Variants in PRH1 observed in about 807,000 individuals in gnomAD.
PRH1 encodes the protein proline rich protein HaeIII subfamily 1.
Under a neutral mutation model 7.9 loss-of-function variants are expected in PRH1, and 7 were observed. The ratio of observed to expected loss-of-function variants is 0.89; its 90% CI spans 0.50 to 1.67. PRH1 has a LOEUF of 1.67. Ranked by LOEUF, PRH1 falls within the 40% of genes most tolerant of loss-of-function variation. The pLI is 0.00. For synonymous variants in PRH1, 45 were observed against 80.8 expected (o/e 0.56, Z 2.38); for missense variants, 109 against 223.6 (o/e 0.49, Z 3.27).
chr12:11,010,667 C>CAT (rs1271858528), intron 1 of PRH1, among the ~76,000 whole-genome samples: 3 of 151,836 alleles, frequency 2.0e-5, no homozygotes, highest in Non-Finnish European at 2.9e-5. Context: ...TCTATTGTGT[C>CAT]ATATCCTTTC....
At chr12:11,109,056 G>T (rs954418452) in intron 1 of PRH1, among the ~76,000 whole-genome samples, 1 of 152,212 alleles carries the variant, frequency 6.6e-6, no homozygotes, top group Admixed American at 6.5e-5. Flanking sequence ...CCACCAGGAA[G>T]TTCAAACTGG....
intron 1 of PRH1, among the ~76,000 whole-genome samples, chr12:11,138,551 T>C (rs148224249): frequency 6.6e-6 from 1 of 152,298 alleles, no homozygotes; most frequent in Admixed American, 6.5e-5. Flanking sequence ...ATATATGTAA[T>C]ATCCATCTTA....
intron 2 of PRH1, among the ~76,000 whole-genome samples, chr12:10,940,327 T>A (rs911708500): frequency 6.6e-6 from 1 of 152,230 alleles, no homozygotes; most frequent in African/African-American, 2.4e-5. Context: ...ATGCATCTAG[T>A]TCATGTTTAG....
intron 1 of PRH1, among the ~76,000 whole-genome samples, chr12:11,105,274 T>TG (rs1387470136): frequency 6.6e-6 from 1 of 151,342 alleles, no homozygotes; most frequent in African/African-American, 2.5e-5. Context: ...ATATTATTGT[T>TG]GATGAAAAAA....
At chr12:10,883,591 A>C (rs528861134) in intron 1 of PRH1, among the ~76,000 whole-genome samples, 1 of 152,328 alleles carries the variant, frequency 6.6e-6, no homozygotes, top group East Asian at 1.9e-4. Flanking sequence ...AGGAGCCACC[A>C]GACATAGCCA....
At chr12:11,091,142 A>C in intron 1 of PRH1, 1 of 142,256 alleles carries the variant, frequency 7.0e-6, no homozygotes, top group South Asian at 1.2e-4. Flanking sequence ...ATATATATAT[A>C]TTTTCTAGAC....
At chr12:11,017,251 A>G (rs1941338298) in intron 1 of PRH1, among the ~76,000 whole-genome samples, 1 of 152,194 alleles carries the variant, frequency 6.6e-6, no homozygotes. Context: ...TCTCAGTTTA[A>G]TTTACATTTT....
chr12:11,048,161 T>TATAGATAGATAGATAGATAG (rs1555147091), upstream of PRH1, among the ~76,000 whole-genome samples: 149 of 139,176 alleles, frequency 1.1e-3, no homozygotes, highest in Middle Eastern at 3.7e-3. Flanking sequence ...TGTGTGTGTG[T>TATAGATAGATAGATAGATAG]ATAGATAGAT....
chr12:10,984,452 T>C (rs1939505326), intron 1 of PRH1, among the ~76,000 whole-genome samples: 1 of 151,710 alleles, frequency 6.6e-6, no homozygotes, highest in Non-Finnish European at 1.5e-5. Context: ...TTCATTTTCA[T>C]TGGTTTGCCA....
At chr12:10,905,541 C>T (rs1949791037) in intron 2 of PRH1, among the ~76,000 whole-genome samples, 1 of 152,086 alleles carries the variant, frequency 6.6e-6, no homozygotes, top group Non-Finnish European at 1.5e-5. Context: ...TGGCACCTGC[C>T]TGTAATCCCA....
At chr12:11,044,293 G>A (rs1942830966) in intron 1 of PRH1, among the ~76,000 whole-genome samples, 1 of 152,040 alleles carries the variant, frequency 6.6e-6, no homozygotes, top group Non-Finnish European at 1.5e-5. Flanking sequence ...AATCAAAATG[G>A]ATTAAAGATG....
At chr12:11,077,975 T>C (rs1189333913) in intron 1 of PRH1, 9 of 830,504 alleles carry the variant, frequency 1.1e-5, no homozygotes, top group Non-Finnish European at 1.8e-5. Context: ...TGGTTGATTA[T>C]TGCTGAGATA....
chr12:10,974,560 G>T (rs558393603), intron 1 of PRH1, among the ~76,000 whole-genome samples: 1 of 151,996 alleles, frequency 6.6e-6, no homozygotes, highest in African/African-American at 2.4e-5. Context: ...CATAAACAAA[G>T]CTAGTAAATG....
chr12:10,962,732 C>A (rs1243175796), intron 2 of PRH1, among the ~76,000 whole-genome samples: 1 of 152,226 alleles, frequency 6.6e-6, no homozygotes, highest in African/African-American at 2.4e-5. Context: ...TAGGTCCTGG[C>A]AGTCAACAAT....
chr12:10,983,000 C>T (rs1175142823), intron 1 of PRH1, among the ~76,000 whole-genome samples: 1 of 152,168 alleles, frequency 6.6e-6, no homozygotes, highest in East Asian at 1.9e-4. Flanking sequence ...CTGCTTGTCT[C>T]AAGTCAAACC....
chr12:11,071,322 C>T (rs74492287), intron 1 of PRH1, among the ~76,000 whole-genome samples: 9 of 151,122 alleles, frequency 6.0e-5, no homozygotes, highest in African/African-American at 2.2e-4. Context: ...TCTGCAAAGG[C>T]AGGTGCCAAT....
chr12:11,030,891 T>A, intron 1 of PRH1: 1 of 1,614,242 alleles, frequency 6.2e-7, no homozygotes, highest in Non-Finnish European at 8.5e-7. Context: ...ATCTCTTTCA[T>A]GTTTATCACA....
At chr12:10,972,154 TATAGGTGTCATGGGAAAA>T (rs1438903647) in intron 2 of PRH1, among the ~76,000 whole-genome samples, 1 of 152,190 alleles carries the variant, frequency 6.6e-6, no homozygotes, top group Non-Finnish European at 1.5e-5. Context: ...ATACATTTAA[TATAGGTGTCATGGGAAAA>T]TACAAATTCC....
intron 1 of PRH1, among the ~76,000 whole-genome samples, chr12:11,138,918 T>A (rs368786983): frequency 2.0e-5 from 3 of 152,120 alleles, no homozygotes; most frequent in African/African-American, 7.2e-5. Flanking sequence ...TGCACGCCTG[T>A]TGTCCTAGCT....
Sources: gnomAD v4.1 joint callset for allele counts (sites outside exome capture counted in the v4.1 genomes callset) on GRCh38, gnomAD v4.1.1 for gene constraint, MANE v1.5 for transcripts, NCBI Gene and HGNC (gene_info 2026-07-23, HGNC 2026-07-21) for gene names.